SLC12A1: variants seen among roughly 807,000 people sequenced by gnomAD.
SLC12A1 encodes the protein solute carrier family 12 member 1.
In SLC12A1, 89 loss-of-function variants were observed where a neutral mutation model predicts 130.4. The observed-to-expected ratio is 0.68, with a 90% CI of 0.58 to 0.81. SLC12A1 has a LOEUF of 0.81. Ranked by LOEUF, SLC12A1 falls within the 40% of genes least tolerant of loss-of-function variation. The pLI, the probability that SLC12A1 is intolerant of heterozygous loss-of-function variation, is 0.00. For synonymous variants in SLC12A1, 499 were observed against 460.0 expected (o/e 1.08, Z -1.09); for missense variants, 1,310 against 1,336.4 (o/e 0.98, Z 0.31).
At chr15:48,261,062 C>T (rs2041768994) in intron 17 of SLC12A1, among the ~76,000 whole-genome samples, 1 of 152,056 alleles carries the variant, frequency 6.6e-6, no homozygotes, top group Middle Eastern at 3.2e-3. Flanking sequence ...ATCAAGCACC[C>T]CTCTCTCATA....
At chr15:48,245,571 G>C (rs1043408136) in intron 11 of SLC12A1, among the ~76,000 whole-genome samples, 5 of 152,192 alleles carry the variant, frequency 3.3e-5, no homozygotes, top group Admixed American at 6.5e-5. Context: ...GCCTCTAGCT[G>C]CATCCACGTT....
At chr15:48,211,674 C>T (rs186515586) in intron 2 of SLC12A1, among the ~76,000 whole-genome samples, 10 of 152,174 alleles carry the variant, frequency 6.6e-5, no homozygotes, top group African/African-American at 1.4e-4. Context: ...ACATTCATAC[C>T]GAATGGCAGA....
At chr15:48,243,430 G>A (rs922217865) in intron 10 of SLC12A1, among the ~76,000 whole-genome samples, 3 of 152,122 alleles carry the variant, frequency 2.0e-5, no homozygotes, top group African/African-American at 7.2e-5. Flanking sequence ...GGGGGAGACA[G>A]GTGGATCACG....
At chr15:48,216,375 CT>C (rs1456342532) in intron 2 of SLC12A1, among the ~76,000 whole-genome samples, 1 of 152,186 alleles carries the variant, frequency 6.6e-6, no homozygotes, top group Non-Finnish European at 1.5e-5. Context: ...CTTTAGCCTA[CT>C]TTGTAAGATT....
At chr15:48,288,020 C>T (rs763513734) in intron 21 of SLC12A1, 23 bp from the exon 22 acceptor site, 4 of 1,602,916 alleles carry the variant, frequency 2.5e-6, no homozygotes, top group Non-Finnish European at 3.4e-6. Context: ...CAAACAGATG[C>T]ATCAATTCCT....
At chr15:48,264,157 C>T (rs962295456) in intron 17 of SLC12A1, among the ~76,000 whole-genome samples, 16 of 152,162 alleles carry the variant, frequency 1.1e-4, no homozygotes, top group Non-Finnish European at 2.1e-4. Context: ...AATCTATTTT[C>T]ATTCATGTTT....
chr15:48,298,697 T>C (rs2042202285), intron 24 of SLC12A1, among the ~76,000 whole-genome samples: 1 of 152,204 alleles, frequency 6.6e-6, no homozygotes, highest in South Asian at 2.1e-4. Flanking sequence ...GGTAGCCATA[T>C]CCATTTCCTA....
At chr15:48,220,849 T>C (rs145525182) in intron 3 of SLC12A1, 72 bp from the exon 4 acceptor site, 3 of 1,609,338 alleles carry the variant, frequency 1.9e-6, no homozygotes, top group Admixed American at 3.3e-5. Context: ...TGGGCACAGC[T>C]TTATGAAGAG....
chr15:48,214,482 G>T (rs1159764388), intron 2 of SLC12A1, among the ~76,000 whole-genome samples: 1 of 152,052 alleles, frequency 6.6e-6, no homozygotes, highest in African/African-American at 2.4e-5. Context: ...TGTGTTTTCA[G>T]CTATAGTAAA....
Position 48,288,144 on chromosome 15 carries a change from A to G in SLC12A1, c.2731A>G (p.Ile911Val), listed in dbSNP as rs780588867. The change falls in exon 22 of 27, where the codon ATT (isoleucine) becomes GTT (valine). Residue 911 changes from isoleucine (I) to valine (V), a missense_variant. Physicochemically the swap from Ile to Val is conservative, Grantham distance 29. Transcript: ENST00000380993. ...QFKKKQEKGT[I>V]DVWWLFDDGG... ...TAAAAAGAAACAAGAAAAAGGCACA[A>G]TTGATGTTTGGTGGTTGTTTGATGA... is the stretch of plus-strand genomic sequence containing the variant. 8.7e-6 allele frequency: 14 copies of G among 1,609,978 alleles called. No homozygotes were observed. Among genetic ancestry groups the G allele is most frequent in the Non-Finnish European group, 1.2e-5 (14 of 1,178,174 alleles).
chr15:48,279,721 T>C (rs958099221), intron 20 of SLC12A1, among the ~76,000 whole-genome samples: 9 of 152,210 alleles, frequency 5.9e-5, no homozygotes, highest in South Asian at 4.1e-4. Flanking sequence ...AGAAATAAAG[T>C]GATGGAACAT....
chr15:48,296,067 A>G (rs2042175026), intron 24 of SLC12A1, among the ~76,000 whole-genome samples: 1 of 152,236 alleles, frequency 6.6e-6, no homozygotes, highest in South Asian at 2.1e-4. Context: ...GCTAAGGCTT[A>G]GAGAATAGAA....
In SLC12A1 at chr15:48,294,899, T is replaced by TTTTATTTATTTA. The variant is rs6145555; in HGVS notation, c.2960+3051_2960+3062dup. 7.7e-4 allele frequency among the ~76,000 whole-genome samples: 113 copies of TTTTATTTATTTA among 147,438 alleles called. 1 individual carries two copies. The highest frequency in any genetic ancestry group is 2.5e-3 in the African/African-American group (97 of 39,010). Reference sequence around the variant, plus strand: ...TGAATTATCCACCCACTTCTTTTTATTTTATTTATTTATTTATTTATTTAT... The same window carrying TTTTATTTATTTA: ...TGAATTATCCACCCACTTCTTTTTATTTTATTTATTTATTTATTTATTTATTTATTTATTTAT... On this transcript the variant is annotated intron_variant, in intron 24 of 26. Transcript: ENST00000380993.
chr15:48,291,163 G>C (rs2042116057), intron 23 of SLC12A1, among the ~76,000 whole-genome samples: 1 of 151,530 alleles, frequency 6.6e-6, no homozygotes, highest in Non-Finnish European at 1.5e-5. Flanking sequence ...AACAACTGGT[G>C]AATTTGGGAG....
intron 16 of SLC12A1, among the ~76,000 whole-genome samples, chr15:48,257,166 C>A (rs532396798): frequency 6.6e-6 from 1 of 152,212 alleles, no homozygotes; most frequent in Admixed American, 6.5e-5. Flanking sequence ...TGTCTCATAT[C>A]CAGGTCATGT....
At chr15:48,274,004 T>C (rs892429844) in intron 19 of SLC12A1, among the ~76,000 whole-genome samples, 2 of 152,218 alleles carry the variant, frequency 1.3e-5, no homozygotes, top group African/African-American at 4.8e-5. Context: ...ATTTAATTCC[T>C]TTGGGTTGAA....
chr15:48,279,620 C>T (rs2041990322), intron 20 of SLC12A1, among the ~76,000 whole-genome samples: 2 of 151,984 alleles, frequency 1.3e-5, no homozygotes, highest in African/African-American at 4.8e-5. Flanking sequence ...ACAACACACA[C>T]AAAAAAAGCC....
chr15:48,240,030 C>CATATATATATATATATATCCAT (rs1567316798), intron 9 of SLC12A1, among the ~76,000 whole-genome samples: 29 of 13,112 alleles, frequency 2.2e-3, no homozygotes, highest in African/African-American at 3.2e-3. Flanking sequence ...TATATATATC[C>CATATATATATATATATATCCAT]ATATATATAT....
chr15:48,300,260 G>A (rs1015043868), intron 25 of SLC12A1, among the ~76,000 whole-genome samples: 1 of 151,962 alleles, frequency 6.6e-6, no homozygotes, highest in Non-Finnish European at 1.5e-5. Flanking sequence ...GAGCCCAGGG[G>A]GCAGAGGTGA....
Sources: gnomAD v4.1 joint callset for allele counts (sites outside exome capture counted in the v4.1 genomes callset) on GRCh38, gnomAD v4.1.1 for gene constraint, MANE v1.5 for transcripts, NCBI Gene and HGNC (gene_info 2026-07-23, HGNC 2026-07-21) for gene names.